MEF2C: variants seen among roughly 807,000 people sequenced by gnomAD.
MEF2C encodes myocyte-specific enhancer factor 2C.
In MEF2C, 6 loss-of-function variants were observed where a neutral mutation model predicts 50.5. That is an observed-to-expected ratio of 0.12 (90% confidence interval 0.07 to 0.23). The LOEUF (loss-of-function observed/expected upper bound fraction) is 0.23. Among genes scored for constraint, MEF2C ranks in the 10% least tolerant of loss-of-function variants. MEF2C has a pLI of 1.00. For synonymous variants in MEF2C, 183 were observed against 228.0 expected, an observed-to-expected ratio of 0.80 and a Z score of 1.78; for missense variants, 276 against 605.0, an observed-to-expected ratio of 0.46 and a Z score of 5.70.
intron 4 of MEF2C, among the ~76,000 whole-genome samples, chr5:88,757,082 A>G (rs1259118982): frequency 1.3e-5 from 2 of 152,212 alleles, no homozygotes; most frequent in Admixed American, 6.5e-5. Context: ...TCGAGGGCCC[A>G]TGAAGCCGGT....
chr5:88,764,612 A>C (rs766462509), intron 3 of MEF2C, among the ~76,000 whole-genome samples: 2 of 152,102 alleles, frequency 1.3e-5, no homozygotes, highest in Non-Finnish European at 2.9e-5. Flanking sequence ...GTTTGAGCCA[A>C]GCCTGGCCAG....
At chr5:88,797,401 T>TA (rs1048942282) in intron 3 of MEF2C, among the ~76,000 whole-genome samples, 6 of 151,896 alleles carry the variant, frequency 4.0e-5, no homozygotes, top group African/African-American at 1.4e-4. Flanking sequence ...AGTCTTTTTT[T>TA]ATCTTTGTTG....
chr5:88,738,660 C>A (rs1765147973), intron 6 of MEF2C: 1 of 985,324 alleles, frequency 1.0e-6, no homozygotes, highest in Non-Finnish European at 1.2e-6. Context: ...TATGTCGAGT[C>A]TCATTTGCAA....
intron 1 of MEF2C, among the ~76,000 whole-genome samples, chr5:88,859,650 A>T (rs1824800359): frequency 6.6e-6 from 1 of 152,248 alleles, no homozygotes; most frequent in African/African-American, 2.4e-5. Flanking sequence ...GAAGCCAATA[A>T]TTTGAAAATT....
At chr5:88,767,895 T>C (rs1780721403) in intron 3 of MEF2C, among the ~76,000 whole-genome samples, 1 of 152,260 alleles carries the variant, frequency 6.6e-6, no homozygotes, top group African/African-American at 2.4e-5. Context: ...TACTCTAGTC[T>C]GGATGAGACC....
intron 6 of MEF2C, chr5:88,734,691 G>A (rs1350389976): frequency 2.0e-6 from 2 of 976,036 alleles, no homozygotes; most frequent in East Asian, 2.4e-4. Flanking sequence ...AGCAGTAGGG[G>A]AAAAAAAAGT....
chr5:88,788,178 G>T (rs200878089), intron 3 of MEF2C, among the ~76,000 whole-genome samples: 1 of 89,096 alleles, frequency 1.1e-5, no homozygotes, highest in Non-Finnish European at 2.7e-5. Flanking sequence ...TTGTTTGTTT[G>T]TTTATTTATT....
In MEF2C at chr5:88,764,417, C is replaced by T. The variant is rs904142208; in HGVS notation, c.259-3089G>A. Among the ~76,000 whole-genome samples the T allele has an allele frequency of 2.6e-5, 4 of 152,190 alleles. No homozygotes were observed. The South Asian group carries it at 8.3e-4, about 32-fold the overall frequency. Reference sequence around the variant, plus strand: ...TGGAGACAGTGTGGGGCCTGACTTTCCCCTGCCCGTTTTCCCACCCGTGTG... The same window carrying T: ...TGGAGACAGTGTGGGGCCTGACTTTTCCCTGCCCGTTTTCCCACCCGTGTG... On this transcript the variant is annotated intron_variant, in intron 3 of 10. Coordinates refer to ENST00000504921, the MANE Select transcript of MEF2C (RefSeq NM_002397.5).
chr5:88,861,381 A>T (rs766841950), intron 1 of MEF2C, among the ~76,000 whole-genome samples: 9 of 152,246 alleles, frequency 5.9e-5, no homozygotes, highest in Non-Finnish European at 1.0e-4. Context: ...GTGAAGCCAG[A>T]TCTGAAATGA....
intron 2 of MEF2C, among the ~76,000 whole-genome samples, chr5:88,805,058 C>T (rs1799803296): frequency 1.3e-5 from 2 of 151,938 alleles, no homozygotes; most frequent in African/African-American, 4.8e-5. Context: ...ATGAAGGTGA[C>T]CAGGGAACTG....
chr5:88,754,406 T>C (rs1156956834), intron 4 of MEF2C, among the ~76,000 whole-genome samples: 4 of 152,218 alleles, frequency 2.6e-5, no homozygotes, highest in Non-Finnish European at 5.9e-5. Flanking sequence ...TCTCTCAGGT[T>C]TTCCTTAACT....
rs1311302524 is a variant in MEF2C, at chr5:88,721,824, G to A, written c.*780C>T. The A allele has an allele frequency of 6.6e-6, 1 of 152,134 alleles. No individual in the cohort carries two copies. Among genetic ancestry groups the A allele is most frequent in the African/African-American group, 2.4e-5 (1 of 41,334 alleles). 9.4% of individuals were successfully genotyped at this position (152,134 alleles called of 1,614,324 possible). On this transcript the variant is annotated 3_prime_UTR_variant, in exon 11 of 11. Coordinates refer to ENST00000504921, the MANE Select transcript of MEF2C (RefSeq NM_002397.5). Reference sequence around the variant, plus strand: ...TTAAAATATTAGCGAAGCTATCAAGGGGAAAAAAACACATTTTGGCTTAAG... The same window carrying A: ...TTAAAATATTAGCGAAGCTATCAAGAGGAAAAAAACACATTTTGGCTTAAG...
chr5:88,869,315 ACAC>A (rs1267310103), intron 1 of MEF2C, among the ~76,000 whole-genome samples: 3 of 86,968 alleles, frequency 3.4e-5, no homozygotes, highest in Non-Finnish European at 4.5e-5. Flanking sequence ...ATATATATAT[ACAC>A]ATATAGCTTC....
chr5:88,746,792 G>C (rs1769903590), intron 6 of MEF2C: 1 of 625,594 alleles, frequency 1.6e-6, no homozygotes, highest in South Asian at 7.1e-5. Flanking sequence ...AGCTAAGCTT[G>C]AGACTAAGTG....
chr5:88,777,890 TTTTC>T (rs1409356268), intron 3 of MEF2C, among the ~76,000 whole-genome samples: 2 of 124,856 alleles, frequency 1.6e-5, no homozygotes, highest in African/African-American at 2.8e-5. Flanking sequence ...GGTGCTAAAT[TTTTC>T]TTTTCTTTTT....
At chr5:88,815,577 T>G (rs926625615) in intron 2 of MEF2C, among the ~76,000 whole-genome samples, 1 of 152,122 alleles carries the variant, frequency 6.6e-6, no homozygotes, top group Admixed American at 6.6e-5. Flanking sequence ...ATTATCAATT[T>G]TTAATTTTTT....
At chr5:88,734,680 C>T in intron 6 of MEF2C, 1 of 971,954 alleles carries the variant, frequency 1.0e-6, no homozygotes, top group Non-Finnish European at 1.2e-6. Flanking sequence ...TGATTCAGGG[C>T]AGCAGTAGGG....
intron 6 of MEF2C, chr5:88,742,681 A>T: frequency 1.0e-6 from 1 of 985,344 alleles, no homozygotes; most frequent in Non-Finnish European, 1.2e-6. Context: ...TCGAAGGCAT[A>T]TTTTACAACA....
intron 10 of MEF2C, among the ~76,000 whole-genome samples, chr5:88,726,887 T>C (rs946454294): frequency 2.0e-5 from 3 of 152,034 alleles, no homozygotes; most frequent in Non-Finnish European, 4.4e-5. Context: ...TCAGGTACTA[T>C]TGAAAACAAA....
Sources: allele counts gnomAD v4.1 joint callset (sites outside exome capture counted in the v4.1 genomes callset), GRCh38; gene constraint gnomAD v4.1.1; transcripts MANE v1.5; gene names NCBI Gene and HGNC (gene_info 2026-07-23, HGNC 2026-07-21).